The following ADGRL3 variants were observed in gnomAD, a reference collection of about 807,000 sequenced individuals.
ADGRL3 encodes calcium-independent alpha-latrotoxin receptor 3.
ADGRL3 carries 62 observed loss-of-function variants against 153.5 expected under a neutral mutation model. That is an observed-to-expected ratio of 0.40 (90% CI 0.33 to 0.50). ADGRL3 has a LOEUF of 0.50. Among genes scored for constraint, ADGRL3 ranks in the 20% least tolerant of loss-of-function variants. The probability of loss-of-function intolerance (pLI) is 0.47; values close to 1 mark genes in which losing one functional copy is unlikely to be tolerated. For synonymous variants in ADGRL3, 710 were observed against 672.5 expected (o/e 1.06, Z -0.86); for missense variants, 1,641 against 1,859.4 (o/e 0.88, Z 2.16).
At chr4:61,967,869 A>T (rs2099012552) in intron 17 of ADGRL3, among the ~76,000 whole-genome samples, 2 of 152,332 alleles carry the variant, frequency 1.3e-5, no homozygotes, top group South Asian at 4.1e-4. Context: ...AATTTATAAA[A>T]AACAGAGATT....
At chr4:61,745,474 C>T (rs1281815427) in intron 8 of ADGRL3, among the ~76,000 whole-genome samples, 3 of 152,088 alleles carry the variant, frequency 2.0e-5, no homozygotes, top group Non-Finnish European at 4.4e-5. Context: ...GCAGGGTTAC[C>T]CACAAAGGGA....
At chr4:61,883,435 T>C (rs2098519903) in intron 9 of ADGRL3, among the ~76,000 whole-genome samples, 1 of 152,170 alleles carries the variant, frequency 6.6e-6, no homozygotes, top group Non-Finnish European at 1.5e-5. Context: ...TTATGAAACA[T>C]TTATTAAGCT....
In ADGRL3 at chr4:61,892,742, A is replaced by T; in HGVS notation, c.1567A>T (p.Thr523Ser). ...RTTTLSPGRS[T>S]TPSVSGRRNR... ...CACAACTTTGAGCCCAGGAAGGAGT[A>T]CCACCCCGTCAGTGTCAGGAAGAAG... Residue 523 changes from threonine (T) to serine (S), a missense_variant, in exon 10 of 27, where the codon ACC (threonine) becomes TCC (serine). This residue lies in a region of ADGRL3 where 734 missense variants were observed against 797.0 expected (regional missense o/e 0.92). Transcript: ENST00000683033. 6.2e-7 allele frequency: 1 copy of T among 1,613,876 alleles called. No individual in the cohort carries two copies. Among genetic ancestry groups the T allele is most frequent in the Non-Finnish European group, 8.5e-7 (1 of 1,179,832 alleles).
intron 3 of ADGRL3, among the ~76,000 whole-genome samples, chr4:61,513,730 A>C (rs572558104): frequency 6.6e-6 from 1 of 152,182 alleles, no homozygotes; most frequent in Non-Finnish European, 1.5e-5. Flanking sequence ...TTAAAAACAA[A>C]TAAAAATAGA....
chr4:62,021,648 T>C (rs2099238769), intron 21 of ADGRL3, among the ~76,000 whole-genome samples: 1 of 152,184 alleles, frequency 6.6e-6, no homozygotes, highest in African/African-American at 2.4e-5. Context: ...AGCATGTGCT[T>C]ACTTCATAGA....
chr4:61,881,172 TA>T (rs1330355535), intron 9 of ADGRL3, among the ~76,000 whole-genome samples: 1 of 152,256 alleles, frequency 6.6e-6, no homozygotes, highest in African/African-American at 2.4e-5. Flanking sequence ...ACAAAACAAA[TA>T]ATCAAAATAG....
chr4:61,475,062 C>T (rs1219699113), intron 2 of ADGRL3, among the ~76,000 whole-genome samples: 1 of 152,046 alleles, frequency 6.6e-6, no homozygotes, highest in Non-Finnish European at 1.5e-5. Context: ...TATTTTAGAA[C>T]GGGGAGGAAA....
intron 2 of ADGRL3, among the ~76,000 whole-genome samples, chr4:61,488,443 T>C (rs2098221316): frequency 6.6e-6 from 1 of 151,986 alleles, no homozygotes; most frequent in Non-Finnish European, 1.5e-5. Context: ...AACCATAAAA[T>C]TCACTGAAGA....
At chr4:61,745,737 A>T (rs577544648) in intron 8 of ADGRL3, among the ~76,000 whole-genome samples, 218 of 152,310 alleles carry the variant, frequency 1.4e-3, no homozygotes, top group Non-Finnish European at 2.1e-3. Context: ...AACAACTGGT[A>T]CCAGCCACTG....
At chr4:61,445,367 A>G (rs572077358) in intron 2 of ADGRL3, among the ~76,000 whole-genome samples, 7 of 152,344 alleles carry the variant, frequency 4.6e-5, no homozygotes, top group African/African-American at 1.4e-4. Flanking sequence ...CATTCCATTT[A>G]TGATGTTAGA....
chr4:61,346,191 A>C (rs1232599498), intron 1 of ADGRL3, among the ~76,000 whole-genome samples: 2 of 152,002 alleles, frequency 1.3e-5, no homozygotes, highest in Non-Finnish European at 2.9e-5. Flanking sequence ...ATTTAAGCCC[A>C]AATGTTCTAG....
chr4:61,389,898 A>C (rs2096782754), intron 2 of ADGRL3, among the ~76,000 whole-genome samples: 3 of 152,198 alleles, frequency 2.0e-5, no homozygotes, highest in Admixed American at 2.0e-4. Flanking sequence ...TGAGCAAAGC[A>C]AAAGTTGTCA....
chr4:61,739,694 T>TA (rs1308907336), intron 8 of ADGRL3, among the ~76,000 whole-genome samples: 7 of 152,184 alleles, frequency 4.6e-5, no homozygotes, highest in African/African-American at 1.7e-4. Flanking sequence ...CATGGATCTA[T>TA]AATCTAAGTT....
chr4:61,670,747 G>A (rs2094962243), intron 5 of ADGRL3, among the ~76,000 whole-genome samples: 2 of 152,128 alleles, frequency 1.3e-5, no homozygotes, highest in Admixed American at 1.3e-4. Flanking sequence ...TGCCTTAATG[G>A]GAGAGGTAAA....
chr4:61,902,492 G>A (rs951430468), intron 11 of ADGRL3, among the ~76,000 whole-genome samples: 3 of 151,958 alleles, frequency 2.0e-5, no homozygotes, highest in African/African-American at 4.8e-5. Context: ...CTAATTAGAC[G>A]GATCCTATTT....
At chr4:61,277,272 A>C (rs1216214804) in intron 1 of ADGRL3, among the ~76,000 whole-genome samples, 5 of 152,138 alleles carry the variant, frequency 3.3e-5, no homozygotes, top group Non-Finnish European at 7.4e-5. Context: ...ACCGAGTTAT[A>C]AGGACTAGAG....
chr4:61,651,643 C>T (rs1561003364), intron 5 of ADGRL3, among the ~76,000 whole-genome samples: 2 of 151,740 alleles, frequency 1.3e-5, no homozygotes, highest in African/African-American at 4.8e-5. Flanking sequence ...GAGTTTCGCT[C>T]TGTCACCAGG....
At chr4:61,975,173 G>A (rs975246390) in intron 17 of ADGRL3, among the ~76,000 whole-genome samples, 1 of 152,120 alleles carries the variant, frequency 6.6e-6, no homozygotes, top group African/African-American at 2.4e-5. Context: ...TAAGTGATAA[G>A]GAGTAAGGGG....
chr4:61,213,869 T>C (rs1462205654), intron 1 of ADGRL3, among the ~76,000 whole-genome samples: 1 of 152,178 alleles, frequency 6.6e-6, no homozygotes, highest in Non-Finnish European at 1.5e-5. Context: ...TTTTCTCTAG[T>C]ACAGATTCCT....
Sources: allele counts gnomAD v4.1 joint callset (sites outside exome capture counted in the v4.1 genomes callset), GRCh38; gene constraint gnomAD v4.1.1; regional missense constraint gnomAD v4.1.1; transcripts MANE v1.5; gene names NCBI Gene and HGNC (gene_info 2026-07-23, HGNC 2026-07-21).